KCNMA1: variants seen among roughly 807,000 people sequenced by gnomAD.
The protein encoded by KCNMA1 is potassium calcium-activated channel subfamily M alpha 1, also known as Calcium-activated potassium channel subunit alpha-1.
In KCNMA1, 29 loss-of-function variants were observed where a neutral mutation model predicts 140.0. The observed-to-expected ratio is 0.21, with a 90% CI of 0.15 to 0.28. KCNMA1 has a LOEUF of 0.28. KCNMA1 is among the 10% of genes least tolerant of loss of function. The pLI, the probability that KCNMA1 is intolerant of heterozygous loss-of-function variation, is 1.00. For missense variants in KCNMA1, 880 were observed against 1,602.2 expected, an observed-to-expected ratio of 0.55 and a Z score of 7.70; for synonymous variants, 612 against 611.9, an observed-to-expected ratio of 1.00 and a Z score of 0.00.
intron 1 of KCNMA1, among the ~76,000 whole-genome samples, chr10:77,556,365 C>A (rs750133286): frequency 2.0e-5 from 3 of 151,732 alleles, no homozygotes; most frequent in Non-Finnish European, 2.9e-5. Context: ...ACTAGCCAGG[C>A]ATAGTAGCAT....
chr10:77,093,731 T>C (rs2096867062), intron 9 of KCNMA1, among the ~76,000 whole-genome samples: 2 of 152,216 alleles, frequency 1.3e-5, no homozygotes, highest in Admixed American at 1.3e-4. Context: ...CCTCAATTAT[T>C]AGAGATATCA....
chr10:77,093,030 T>C (rs2096850753), intron 9 of KCNMA1, among the ~76,000 whole-genome samples: 1 of 152,228 alleles, frequency 6.6e-6, no homozygotes, highest in South Asian at 2.1e-4. Flanking sequence ...CAATCAATAT[T>C]ATCCCTTAAG....
intron 1 of KCNMA1, among the ~76,000 whole-genome samples, chr10:77,593,174 G>A (rs1404414915): frequency 5.3e-5 from 8 of 152,082 alleles, no homozygotes; most frequent in Admixed American, 5.2e-4. Flanking sequence ...AATGACTAAG[G>A]ATCAACGTCC....
At chr10:77,565,320 G>A in intron 1 of KCNMA1, among the ~76,000 whole-genome samples, 1 of 152,196 alleles carries the variant, frequency 6.6e-6, no homozygotes, top group Admixed American at 6.5e-5. Flanking sequence ...CAGTGATGCA[G>A]CAGCGGGCGG....
At chr10:77,069,364 T>C (rs940142261) in intron 14 of KCNMA1, among the ~76,000 whole-genome samples, 1 of 152,186 alleles carries the variant, frequency 6.6e-6, no homozygotes, top group African/African-American at 2.4e-5. Flanking sequence ...GCTTAACCTG[T>C]CCTTAACAGC....
intron 3 of KCNMA1, among the ~76,000 whole-genome samples, chr10:77,200,529 A>G (rs2042122281): frequency 6.6e-6 from 1 of 152,128 alleles, no homozygotes; most frequent in African/African-American, 2.4e-5. Flanking sequence ...GGTCCACAGT[A>G]TCACTGAAGC....
intron 1 of KCNMA1, among the ~76,000 whole-genome samples, chr10:77,575,548 A>G (rs1385815486): frequency 6.6e-6 from 1 of 152,138 alleles, no homozygotes; most frequent in Non-Finnish European, 1.5e-5. Context: ...CTAAGTCTTA[A>G]TGCTCCCCAA....
intron 5 of KCNMA1, among the ~76,000 whole-genome samples, chr10:77,121,931 A>T (rs965588874): frequency 6.6e-6 from 1 of 152,252 alleles, no homozygotes; most frequent in African/African-American, 2.4e-5. Context: ...GCTTTGAGAC[A>T]CATTGAATGT....
chr10:76,969,300 G>GGGAAGGAAGGAAGGAAGGAAGGAA (rs150214377), intron 20 of KCNMA1, among the ~76,000 whole-genome samples: 4 of 109,288 alleles, frequency 3.7e-5, no homozygotes, highest in African/African-American at 1.0e-4. Flanking sequence ...GAAGGAAGGA[G>GGGAAGGAAGGAAGGAAGGAAGGAA]GGAAGGAAGG....
chr10:77,439,087 A>AAAGAGAAGAG (rs55994326), intron 1 of KCNMA1, among the ~76,000 whole-genome samples: 11,942 of 124,758 alleles, frequency 0.096, 798 homozygotes, highest in East Asian at 0.13. Flanking sequence ...AAAGAAAAGA[A>AAAGAGAAGAG]AAGAGAAGAG....
intron 2 of KCNMA1, among the ~76,000 whole-genome samples, chr10:77,396,148 C>T (rs186464811): frequency 3.3e-5 from 5 of 152,212 alleles, no homozygotes; most frequent in Admixed American, 2.6e-4. Context: ...CAACTGATTC[C>T]CAATAGCAGA....
At chr10:76,889,393 A>G in intron 27 of KCNMA1, 58 bp downstream of exon 27, 1 of 1,147,826 alleles carries the variant, frequency 8.7e-7, no homozygotes, top group Non-Finnish European at 1.3e-6. Context: ...AGGGGACAGG[A>G]AAGGATATTA....
intron 25 of KCNMA1, among the ~76,000 whole-genome samples, chr10:76,896,509 T>C (rs540392785): frequency 1.1e-4 from 16 of 152,260 alleles, no homozygotes; most frequent in African/African-American, 3.6e-4. Context: ...CTTACAAAGA[T>C]GATGGGATTA....
intron 2 of KCNMA1, among the ~76,000 whole-genome samples, chr10:77,348,853 A>G (rs1259487029): frequency 6.6e-6 from 1 of 152,194 alleles, no homozygotes; most frequent in African/African-American, 2.4e-5. Context: ...TCTTTAGGGC[A>G]TATCTTTGCA....
chr10:77,229,507 G>T (rs927284859), intron 3 of KCNMA1, among the ~76,000 whole-genome samples: 2 of 152,206 alleles, frequency 1.3e-5, no homozygotes, highest in African/African-American at 4.8e-5. Flanking sequence ...TGTGCCAGGA[G>T]CTTCACTCAT....
chr10:77,418,253 G>A (rs1056749734), intron 1 of KCNMA1, among the ~76,000 whole-genome samples: 1 of 152,136 alleles, frequency 6.6e-6, no homozygotes, highest in Non-Finnish European at 1.5e-5. Flanking sequence ...CAAGCGCCTG[G>A]CCCTGCAAAG....
intron 1 of KCNMA1, among the ~76,000 whole-genome samples, chr10:77,429,196 G>A (rs752698817): frequency 9.9e-5 from 15 of 152,118 alleles, no homozygotes; most frequent in Admixed American, 2.6e-4. Flanking sequence ...TGCCAAGTTC[G>A]GAAGGGTCAC....
At chr10:77,132,585 C>A (rs1287930182) in intron 5 of KCNMA1, among the ~76,000 whole-genome samples, 3 of 146,992 alleles carry the variant, frequency 2.0e-5, no homozygotes, top group South Asian at 4.3e-4. Flanking sequence ...AGTGCAGTGG[C>A]GCGATCTCGG....
chr10:77,561,473 G>A lies in KCNMA1; in HGVS notation c.378+75792C>T, dbSNP rs531546728. Among the ~76,000 whole-genome samples the A allele has an allele frequency of 3.3e-5, 5 of 152,304 alleles. No homozygotes were observed. The South Asian group carries it at 1.0e-3, about 32-fold the overall frequency. ...CACACTCACATAGATACTAAGTGGT[G>A]GGGCCAGGGTTTGAACCCAGATGGT... On this transcript the variant is annotated intron_variant, in intron 1 of 27. Coordinates refer to ENST00000286628, the MANE Select transcript of KCNMA1 (RefSeq NM_001161352.2).
Sources: allele counts gnomAD v4.1 joint callset (sites outside exome capture counted in the v4.1 genomes callset), GRCh38; gene constraint gnomAD v4.1.1; transcripts MANE v1.5; gene names NCBI Gene and HGNC (gene_info 2026-07-23, HGNC 2026-07-21).